The following STAT5B variants were observed in gnomAD, a reference collection of about 807,000 sequenced individuals.
The protein encoded by STAT5B is signal transducer and activator of transcription 5B, also known as transcription factor STAT5B.
A neutral mutation model predicts 107.8 loss-of-function variants in STAT5B; 21 were observed. The ratio of observed to expected loss-of-function variants is 0.19; its 90% confidence interval spans 0.14 to 0.28. The LOEUF (loss-of-function observed/expected upper bound fraction) is 0.28. Among genes scored for constraint, STAT5B ranks in the 10% least tolerant of loss-of-function variants. STAT5B has a pLI of 1.00. For missense variants in STAT5B, 565 were observed against 1,008.2 expected, an observed-to-expected ratio of 0.56 and a Z score of 5.95; for synonymous variants, 325 against 401.7, an observed-to-expected ratio of 0.81 and a Z score of 2.28.
chr17:42,203,333 G>A (rs1264825077), intron 16 of STAT5B, among the ~76,000 whole-genome samples: 4 of 152,076 alleles, frequency 2.6e-5, no homozygotes, highest in Non-Finnish European at 5.9e-5. Context: ...AATTGGCTTG[G>A]ATGTTTCAAT....
chr17:42,224,627 G>A lies in STAT5B; in HGVS notation c.375+152C>T. On this transcript the variant is annotated intron_variant, in intron 4 of 18. Transcript: ENST00000293328. ...AAAGTGCTGGGCTGCACTCAGTCAA[G>A]TCTCCTATTTCTTTTGTGCCCCTTA... 6.3e-6 allele frequency: 5 copies of A among 795,550 alleles called. No homozygotes were observed. The South Asian group carries it at 7.4e-5, about 12-fold the overall frequency. 49.3% of individuals were successfully genotyped at this position (795,550 alleles called of 1,614,324 possible).
chr17:42,265,670 GC>G (rs2080664562), intron 1 of STAT5B, among the ~76,000 whole-genome samples: 1 of 151,998 alleles, frequency 6.6e-6, no homozygotes, highest in Admixed American at 6.6e-5. Context: ...ACTCTTTTAA[GC>G]TCTCAATACA....
Position 42,207,545 on chromosome 17 carries a change from C to T in STAT5B, c.2077+13G>A, listed in dbSNP as rs756278172. The T allele has an allele frequency of 4.4e-5, 71 of 1,608,808 alleles. No homozygotes were observed. Among genetic ancestry groups the T allele is most frequent in the Non-Finnish European group, 5.7e-5 (67 of 1,177,012 alleles). ...CACACAACAAAATCAAATCAGAATG[C>T]GAACATTGTTACCAGTAGCAGACTC... On this transcript the variant is annotated intron_variant, in intron 16 of 18. Coordinates refer to ENST00000293328, the MANE Select transcript of STAT5B (RefSeq NM_012448.4).
intron 1 of STAT5B, among the ~76,000 whole-genome samples, chr17:42,275,942 G>A (rs1209757250): frequency 2.0e-5 from 3 of 151,890 alleles, no homozygotes; most frequent in South Asian, 2.1e-4. Flanking sequence ...GTCGGCGCGG[G>A]GTCCCCACAC....
upstream of STAT5B, among the ~76,000 whole-genome samples, chr17:42,278,073 T>C (rs2080778779): frequency 6.6e-6 from 1 of 152,178 alleles, no homozygotes; most frequent in Admixed American, 6.6e-5. Flanking sequence ...CTCTTTCTTG[T>C]GAGCTTTCAT....
chr17:42,284,240 T>C, the STAT5B span, among the ~76,000 whole-genome samples: 1 of 150,994 alleles, frequency 6.6e-6, no homozygotes, highest in Admixed American at 6.6e-5. Flanking sequence ...AAAGGGGACC[T>C]GGGATAATTC....
rs2080308571 is a variant in STAT5B, at chr17:42,230,455, C to T, written c.128+1545G>A. Among the ~76,000 whole-genome samples, 3 of 152,282 alleles carry T rather than the reference C, an allele frequency of 2.0e-5. No individual in the cohort carries two copies. The South Asian group carries it at 6.2e-4, about 32-fold the overall frequency. Reference sequence around the variant, plus strand: ...GACCTTGAGCAGAGCAGTGTACATCCTGCTGCCTGGTGTGTAATAATGATA... The same window carrying T: ...GACCTTGAGCAGAGCAGTGTACATCTTGCTGCCTGGTGTGTAATAATGATA... On this transcript the variant is annotated intron_variant, in intron 2 of 18. Transcript: ENST00000293328.
chr17:42,265,808 T>C (rs773802908), intron 1 of STAT5B, among the ~76,000 whole-genome samples: 7 of 152,238 alleles, frequency 4.6e-5, no homozygotes, highest in Non-Finnish European at 1.0e-4. Flanking sequence ...TTCATAAATC[T>C]GTTAACTGAA....
chr17:42,278,946 T>A (rs1489558035), upstream of STAT5B, among the ~76,000 whole-genome samples: 5 of 151,204 alleles, frequency 3.3e-5, no homozygotes, highest in African/African-American at 1.2e-4. Flanking sequence ...GAAACTGCAC[T>A]CCAGCCTGGG....
At chr17:42,204,441 G>A (rs2080070476) in intron 16 of STAT5B, among the ~76,000 whole-genome samples, 1 of 152,312 alleles carries the variant, frequency 6.6e-6, no homozygotes, top group East Asian at 1.9e-4. Flanking sequence ...CATTTAAGTA[G>A]CCCAAGAGGG....
chr17:42,277,763 T>C (rs887345814), upstream of STAT5B, among the ~76,000 whole-genome samples: 1 of 148,760 alleles, frequency 6.7e-6, no homozygotes, highest in African/African-American at 2.6e-5. Context: ...CTTTTCTTTT[T>C]TTTTTTTTTT....
chr17:42,266,705 C>CT (rs893311215), intron 1 of STAT5B, among the ~76,000 whole-genome samples: 60 of 151,854 alleles, frequency 4.0e-4, no homozygotes, highest in Admixed American at 2.6e-3. Flanking sequence ...ACCCCTGTCT[C>CT]TATTTTTTTT....
At chr17:42,262,822 ATG>A (rs1181333545) in intron 1 of STAT5B, among the ~76,000 whole-genome samples, 2 of 124,236 alleles carry the variant, frequency 1.6e-5, no homozygotes, top group Non-Finnish European at 3.4e-5. Context: ...ACACATATAT[ATG>A]TGTATATATA....
At chr17:42,269,282 C>A (rs1220537176) in intron 1 of STAT5B, among the ~76,000 whole-genome samples, 1 of 152,098 alleles carries the variant, frequency 6.6e-6, no homozygotes, top group Admixed American at 6.6e-5. Flanking sequence ...CCATGTTGGC[C>A]AGGCTGGTCT....
In STAT5B at chr17:42,210,501, G is replaced by A; in HGVS notation, c.1681-4C>T. The A allele has an allele frequency of 6.2e-7, 1 of 1,612,186 alleles. No homozygotes were observed. Among genetic ancestry groups the A allele is most frequent in the Non-Finnish European group, 8.5e-7 (1 of 1,178,294 alleles). Reference sequence around the variant, plus strand: ...AATTCCGTCCTGGTAAATTCTCCTGGTTGGAGATACAACAGTGAACATAAG... The same window carrying A: ...AATTCCGTCCTGGTAAATTCTCCTGATTGGAGATACAACAGTGAACATAAG... On this transcript the variant is annotated splice_polypyrimidine_tract_variant and splice_region_variant and intron_variant, in intron 13 of 18. Coordinates refer to ENST00000293328, the MANE Select transcript of STAT5B (RefSeq NM_012448.4).
chr17:42,212,078 T>C lies in STAT5B; in HGVS notation c.1586A>G (p.Asn529Ser). The C allele has an allele frequency of 6.2e-7, 1 of 1,614,006 alleles. No homozygotes were observed. Among genetic ancestry groups the C allele is most frequent in the African/African-American group, 1.3e-5 (1 of 74,998 alleles). Residue 529 changes from asparagine (N) to serine (S), a missense_variant, in exon 13 of 19, where the codon AAC (asparagine) becomes AGC (serine). This residue lies in a region of STAT5B where 127 missense variants were observed against 215.8 expected (regional missense o/e 0.59). Coordinates refer to ENST00000293328, the MANE Select transcript of STAT5B (RefSeq NM_012448.4). The part of the protein sequence containing the change: ...VQSNRGLTKE[N>S]LVFLAQKLFN... ...CAGTTTCTGCGCCAGGAACACGAGG[T>C]TCTCCTTGGTCAGGCCCCGGTTGCT...
intron 9 of STAT5B, 70 bp downstream of exon 9, chr17:42,218,081 A>G (rs1360348433): frequency 1.9e-6 from 3 of 1,563,336 alleles, no homozygotes; most frequent in Non-Finnish European, 2.6e-6. Context: ...CACAGGAGGC[A>G]GAATTCTTTT....
intron 1 of STAT5B, among the ~76,000 whole-genome samples, chr17:42,259,239 C>T (rs2080573227): frequency 6.6e-6 from 1 of 152,120 alleles, no homozygotes; most frequent in Non-Finnish European, 1.5e-5. Context: ...TGGGCTCAAG[C>T]GATCCTCCCA....
intron 1 of STAT5B, among the ~76,000 whole-genome samples, chr17:42,241,745 G>A (rs965185128): frequency 6.6e-6 from 1 of 152,060 alleles, no homozygotes; most frequent in East Asian, 1.9e-4. Context: ...GCCTAGCCTA[G>A]TATAGCGATT....
Sources: allele counts gnomAD v4.1 joint callset (sites outside exome capture counted in the v4.1 genomes callset), GRCh38; gene constraint gnomAD v4.1.1; regional missense constraint gnomAD v4.1.1; transcripts MANE v1.5; gene names NCBI Gene and HGNC (gene_info 2026-07-23, HGNC 2026-07-21).